Variants in UGT1A10 observed in about 807,000 individuals in gnomAD.
The protein encoded by UGT1A10 is UDP-glucuronosyltransferase 1A10.
UGT1A10 carries 49 observed loss-of-function variants against 45.8 expected under a neutral mutation model. The ratio of observed to expected loss-of-function variants is 1.07; its 90% CI spans 0.85 to 1.36. UGT1A10 has a LOEUF of 1.36. Ranked by LOEUF, UGT1A10 falls within the 40% of genes most tolerant of loss-of-function variation. The probability of loss-of-function intolerance (pLI) is 0.00; values close to 1 mark genes in which losing one functional copy is unlikely to be tolerated. For synonymous variants in UGT1A10, 284 were observed against 249.7 expected (o/e 1.14, Z -1.29); for missense variants, 745 against 668.6 (o/e 1.11, Z -1.26).
intron 1 of UGT1A10, among the ~76,000 whole-genome samples, chr2:233,758,021 T>C (rs949274852): frequency 2.0e-5 from 3 of 152,156 alleles, no homozygotes; most frequent in African/African-American, 7.2e-5. Context: ...TGTCTCTGTC[T>C]ACCTGACCCC....
chr2:233,762,242 T>C (rs1400660032), intron 1 of UGT1A10, among the ~76,000 whole-genome samples: 1 of 152,116 alleles, frequency 6.6e-6, no homozygotes, highest in Non-Finnish European at 1.5e-5. Flanking sequence ...AGGCACAGAA[T>C]AGGCACCCAC....
At chr2:233,717,980 G>A (rs1360094049) in intron 1 of UGT1A10, 3 of 443,956 alleles carry the variant, frequency 6.8e-6, no homozygotes, top group African/African-American at 6.1e-5. Context: ...TTCAGAAGAG[G>A]AATTCAGACT....
intron 1 of UGT1A10, among the ~76,000 whole-genome samples, chr2:233,665,015 T>G (rs1244872394): frequency 1.3e-5 from 2 of 152,228 alleles, no homozygotes. Flanking sequence ...TAGAAAATGC[T>G]CTTAGTAGTT....
intron 1 of UGT1A10, among the ~76,000 whole-genome samples, chr2:233,739,521 C>G (rs937705883): frequency 6.6e-6 from 1 of 152,212 alleles, no homozygotes; most frequent in Non-Finnish European, 1.5e-5. Context: ...GACATGAAGT[C>G]AAGGGAGATT....
intron 1 of UGT1A10, among the ~76,000 whole-genome samples, chr2:233,763,104 C>A (rs548930615): frequency 6.6e-6 from 1 of 152,314 alleles, no homozygotes; most frequent in East Asian, 1.9e-4. Flanking sequence ...AGGCACCGAA[C>A]TTTATCAGCT....
rs574132609 is a variant in UGT1A10, at chr2:233,741,478, G to A, written c.856-25556G>A. The A allele has an allele frequency of 8.6e-5, 13 of 151,780 alleles. 2 individuals carry two copies. Among genetic ancestry groups the A allele is most frequent in the African/African-American group, 2.4e-4 (10 of 41,054 alleles). The allele number at this position is 151,780 out of a possible 1,614,324, so 9.4% of individuals were successfully genotyped here. A position where few individuals can be genotyped will look rare whatever the true frequency, so the allele number is the denominator to read the frequency against. ...TATCTTCACACATGTAAGTTCCCTCGTCTGATGTACAAAAAACTGAACTCA... is the reference window on the plus strand; with the variant it reads ...TATCTTCACACATGTAAGTTCCCTCATCTGATGTACAAAAAACTGAACTCA... On this transcript the variant is annotated intron_variant, in intron 1 of 4. Transcript: ENST00000344644.
At chr2:233,747,752 A>C in intron 1 of UGT1A10, 1 of 1,613,466 alleles carries the variant, frequency 6.2e-7, no homozygotes, top group Non-Finnish European at 8.5e-7. Context: ...CATGTGATTT[A>C]GACTTTAAGG....
intron 1 of UGT1A10, among the ~76,000 whole-genome samples, chr2:233,697,182 A>G (rs1179820208): frequency 6.6e-6 from 1 of 152,120 alleles, no homozygotes; most frequent in Non-Finnish European, 1.5e-5. Flanking sequence ...TGGTTGGTAG[A>G]ATTCAGCAGT....
chr2:233,649,879 T>G (rs1449292900), intron 1 of UGT1A10, among the ~76,000 whole-genome samples: 1 of 152,206 alleles, frequency 6.6e-6, no homozygotes, highest in African/African-American at 2.4e-5. Context: ...TGGTAGCCAT[T>G]GCTTTGCTTG....
In UGT1A10 at chr2:233,743,758, G is replaced by T. The variant is rs761738753; in HGVS notation, c.856-23276G>T. 5 of 1,367,210 alleles carry T rather than the reference G, an allele frequency of 3.7e-6. No homozygotes were observed. In the Admixed American group the frequency reaches 9.5e-5, roughly 26 times the overall value. 84.7% of individuals were successfully genotyped at this position (1,367,210 alleles called of 1,614,324 possible). ...GTTTCTTGGCGTCCGACAACACCTCGTAGGCCTCGGCCACCTGCTTGAATC... is the reference window on the plus strand; with the variant it reads ...GTTTCTTGGCGTCCGACAACACCTCTTAGGCCTCGGCCACCTGCTTGAATC... On this transcript the variant is annotated intron_variant, in intron 1 of 4. Coordinates refer to ENST00000344644, the MANE Select transcript of UGT1A10 (RefSeq NM_019075.4).
At chr2:233,714,435 T>C (rs1325584515) in intron 1 of UGT1A10, among the ~76,000 whole-genome samples, 1 of 152,078 alleles carries the variant, frequency 6.6e-6, no homozygotes, top group African/African-American at 2.4e-5. Context: ...AAACACAGAG[T>C]TCAGTTTCCA....
At chr2:233,687,854 G>T (rs910544151) in intron 1 of UGT1A10, among the ~76,000 whole-genome samples, 1 of 152,130 alleles carries the variant, frequency 6.6e-6, no homozygotes, top group Non-Finnish European at 1.5e-5. Flanking sequence ...GCTGCAGTAA[G>T]CCATGACTAT....
At chr2:233,727,965 GGT>G (rs2077670166) in intron 1 of UGT1A10, among the ~76,000 whole-genome samples, 2 of 152,222 alleles carry the variant, frequency 1.3e-5, no homozygotes, top group South Asian at 4.1e-4. Context: ...ATCATCCTGA[GGT>G]GACCAGGACA....
intron 1 of UGT1A10, chr2:233,718,713 C>T (rs2076677661): frequency 2.5e-6 from 4 of 1,607,198 alleles, no homozygotes; most frequent in Non-Finnish European, 1.7e-6. Context: ...CTTCCAATTA[C>T]ATGCTGATTT....
At chr2:233,671,269 C>T (rs10176426) in intron 1 of UGT1A10, among the ~76,000 whole-genome samples, 10,694 of 152,252 alleles carry the variant, frequency 0.07, 543 homozygotes, top group Middle Eastern at 0.14. Context: ...TGCGATGTAT[C>T]TTAGGAAAGC....
intron 1 of UGT1A10, chr2:233,730,056 T>G (rs1178732328): frequency 1.2e-6 from 2 of 1,611,614 alleles, no homozygotes. Flanking sequence ...AAAAATGTAT[T>G]TATTTAAAAT....
chr2:233,733,569 G>C (rs1217619334), intron 1 of UGT1A10, among the ~76,000 whole-genome samples: 1 of 152,186 alleles, frequency 6.6e-6, no homozygotes, highest in East Asian at 1.9e-4. Context: ...AAATAATCAT[G>C]TGGTTTGTCA....
intron 1 of UGT1A10, among the ~76,000 whole-genome samples, chr2:233,758,500 A>T (rs552604642): frequency 1.2e-4 from 19 of 152,348 alleles, no homozygotes; most frequent in African/African-American, 4.6e-4. Flanking sequence ...CAGAATTTCT[A>T]ATAAGGACAC....
intron 1 of UGT1A10, chr2:233,690,896 T>A: frequency 1.9e-6 from 2 of 1,035,856 alleles, no homozygotes; most frequent in Non-Finnish European, 2.3e-6. Context: ...AGGGATGGTA[T>A]GCATAGTGAT....
Sources: allele counts gnomAD v4.1 joint callset (sites outside exome capture counted in the v4.1 genomes callset), GRCh38; gene constraint gnomAD v4.1.1; transcripts MANE v1.5; gene names NCBI Gene and HGNC (gene_info 2026-07-23, HGNC 2026-07-21).